Variants in SYT14 observed in about 807,000 individuals in gnomAD.
SYT14 encodes synaptotagmin 14, also known as synaptotagmin-14.
A neutral mutation model predicts 74.2 loss-of-function variants in SYT14; 32 were observed. The ratio of observed to expected loss-of-function variants is 0.43; its 90% CI spans 0.33 to 0.58. The LOEUF (loss-of-function observed/expected upper bound fraction) is 0.58. Among genes scored for constraint, SYT14 ranks in the 20% least tolerant of loss-of-function variants. The probability of loss-of-function intolerance (pLI) is 0.05; values close to 1 mark genes in which losing one functional copy is unlikely to be tolerated. For synonymous variants in SYT14, 298 were observed against 337.7 expected, an observed-to-expected ratio of 0.88 and a Z score of 1.29; for missense variants, 791 against 981.8, an observed-to-expected ratio of 0.81 and a Z score of 2.60.
At chr1:210,086,791 A>G (rs555214234) in intron 5 of SYT14, among the ~76,000 whole-genome samples, 6 of 152,310 alleles carry the variant, frequency 3.9e-5, no homozygotes, top group South Asian at 2.1e-4. Context: ...AATAACTTCT[A>G]TCTATGTATT....
chr1:209,955,001 C>T (rs904210866), intron 2 of SYT14, among the ~76,000 whole-genome samples: 12 of 152,156 alleles, frequency 7.9e-5, no homozygotes, highest in Non-Finnish European at 1.0e-4. Flanking sequence ...CCACCGCACT[C>T]GGCTAGACAT....
intron 7 of SYT14, among the ~76,000 whole-genome samples, chr1:210,144,370 G>C (rs2082985495): frequency 6.6e-6 from 1 of 151,996 alleles, no homozygotes; most frequent in African/African-American, 2.4e-5. Flanking sequence ...AACTATTAAG[G>C]AAGTAGACAT....
chr1:209,983,613 G>T (rs1439179465), intron 2 of SYT14, among the ~76,000 whole-genome samples: 1 of 152,076 alleles, frequency 6.6e-6, no homozygotes, highest in African/African-American at 2.4e-5. Flanking sequence ...CTTTGTGTGT[G>T]TGTGTGTTTT....
At chr1:210,026,808 AT>A (rs1263731559) in intron 5 of SYT14, among the ~76,000 whole-genome samples, 2 of 147,008 alleles carry the variant, frequency 1.4e-5, no homozygotes, top group African/African-American at 5.1e-5. Flanking sequence ...GATTGTTTAT[AT>A]TTCCTTTAAG....
exon 4 of SYT14, chr1:210,015,803 C>A: frequency 4.2e-5 from 41 of 965,788 alleles, no homozygotes; most frequent in Middle Eastern, 4.2e-4. Flanking sequence ...TTTTTTTTTT[C>A]CGGAAGAATC....
intron 7 of SYT14, among the ~76,000 whole-genome samples, chr1:210,139,227 C>T (rs995658337): frequency 6.7e-6 from 1 of 148,242 alleles, no homozygotes. Context: ...ACTGGGACTA[C>T]ATGCGTGTAC....
chr1:210,065,325 T>A (rs2081277397), intron 5 of SYT14, among the ~76,000 whole-genome samples: 1 of 152,038 alleles, frequency 6.6e-6, no homozygotes, highest in Non-Finnish European at 1.5e-5. Context: ...CTCATGCTGT[T>A]CTTGTGATAC....
intron 5 of SYT14, among the ~76,000 whole-genome samples, chr1:210,041,728 A>G (rs181228125): frequency 1.5e-4 from 23 of 152,280 alleles, no homozygotes; most frequent in Non-Finnish European, 3.4e-4. Flanking sequence ...TGGAGGAGAC[A>G]GCAGAGACCC....
intron 2 of SYT14, chr1:209,965,837 A>G (rs756338463): frequency 3.0e-5 from 13 of 437,518 alleles, no homozygotes; most frequent in Admixed American, 1.6e-4. Context: ...TTTTGTATCA[A>G]ATCAATAGAT....
intron 8 of SYT14, chr1:210,156,839 C>G (rs1572393057): frequency 2.8e-6 from 1 of 355,694 alleles, no homozygotes; most frequent in East Asian, 8.0e-5. Flanking sequence ...ACTACAGGCA[C>G]CCACCACCAC....
In SYT14 at chr1:210,159,544, C is replaced by T; in HGVS notation, c.2281+67C>T. The T allele has an allele frequency of 4.3e-6, 6 of 1,403,120 alleles. No homozygotes were observed. In the South Asian group the frequency reaches 6.2e-5, roughly 14 times the overall value. 86.9% of individuals were successfully genotyped at this position (1,403,120 alleles called of 1,614,324 possible). A position where few individuals can be genotyped will look rare whatever the true frequency, so the allele number is the denominator to read the frequency against. ...CAAAACCAAAATACCCTAAAACTTG[C>T]CAGCAGTGAAGCTGTCCACCATGTT... On this transcript the variant is annotated intron_variant, in intron 9 of 9. Coordinates refer to ENST00000637265, the Ensembl canonical transcript of SYT14.
At chr1:210,022,008 A>G (rs2080313388) in intron 5 of SYT14, among the ~76,000 whole-genome samples, 1 of 152,214 alleles carries the variant, frequency 6.6e-6, no homozygotes, top group Non-Finnish European at 1.5e-5. Flanking sequence ...TAAATAAATT[A>G]TTCACTTGCT....
exon 10 of SYT14, chr1:210,161,721 G>A (rs4609425): frequency 0.29 from 129,818 of 453,408 alleles, 20,343 homozygotes; most frequent in East Asian, 0.42. Context: ...CTCCGCTTTC[G>A]CCTGATCCAA....
intron 2 of SYT14, among the ~76,000 whole-genome samples, chr1:209,963,980 T>C (rs114997606): frequency 3.3e-4 from 50 of 152,310 alleles, no homozygotes; most frequent in African/African-American, 1.1e-3. Flanking sequence ...CAATTTGCAA[T>C]ACTACTGTTT....
At chr1:210,132,042 C>T (rs1337420513) in intron 7 of SYT14, among the ~76,000 whole-genome samples, 1 of 152,152 alleles carries the variant, frequency 6.6e-6, no homozygotes, top group African/African-American at 2.4e-5. Context: ...TACTTGGAAC[C>T]TGATACCTGA....
chr1:210,134,170 G>C (rs1393036604), intron 7 of SYT14, among the ~76,000 whole-genome samples: 1 of 151,840 alleles, frequency 6.6e-6, no homozygotes, highest in Non-Finnish European at 1.5e-5. Context: ...TGGTGCAATC[G>C]TGGCTCACTG....
At chr1:209,949,819 G>C (rs957341095) in intron 1 of SYT14, among the ~76,000 whole-genome samples, 1 of 152,140 alleles carries the variant, frequency 6.6e-6, no homozygotes, top group Non-Finnish European at 1.5e-5. Context: ...GAAAGGTCAT[G>C]CATAGTCTTA....
chr1:210,026,467 A>G (rs905050782), intron 5 of SYT14, among the ~76,000 whole-genome samples: 2 of 152,100 alleles, frequency 1.3e-5, no homozygotes, highest in African/African-American at 2.4e-5. Flanking sequence ...TTAGTTTACC[A>G]TAGAGATTAC....
intron 5 of SYT14, among the ~76,000 whole-genome samples, chr1:210,040,271 GA>G (rs1182599462): frequency 6.6e-6 from 1 of 152,068 alleles, no homozygotes; most frequent in Non-Finnish European, 1.5e-5. Flanking sequence ...CACAGGAACA[GA>G]AAACCAAACA....
Sources: gnomAD v4.1 joint callset for allele counts (sites outside exome capture counted in the v4.1 genomes callset) on GRCh38, gnomAD v4.1.1 for gene constraint, MANE v1.5 for transcripts, NCBI Gene and HGNC (gene_info 2026-07-23, HGNC 2026-07-21) for gene names.